The following NR2F2 variants were observed in gnomAD, a reference collection of about 807,000 sequenced individuals.
The protein encoded by NR2F2 is COUP transcription factor 2.
A neutral mutation model predicts 34.8 loss-of-function variants in NR2F2; 2 were observed. The ratio of observed to expected loss-of-function variants is 0.06; its 90% CI spans 0.02 to 0.18. The LOEUF (loss-of-function observed/expected upper bound fraction) is 0.18. Ranked by LOEUF, NR2F2 falls within the 10% of genes least tolerant of loss-of-function variation. NR2F2 has a pLI of 1.00. For missense variants in NR2F2, 300 were observed against 580.1 expected (o/e 0.52, Z 4.96); for synonymous variants, 274 against 251.8 (o/e 1.09, Z -0.84).
In NR2F2 at chr15:96,331,089, GCGGCAGCAGCGACTT is replaced by G; in HGVS notation, c.-1015_-1001del. 8.1e-7 allele frequency: 1 copy of G among 1,227,236 alleles called. No homozygotes were observed. The highest frequency in any genetic ancestry group is 1.0e-6 in the Non-Finnish European group (1 of 986,810). 76.0% of individuals were successfully genotyped at this position (1,227,236 alleles called of 1,614,324 possible). ...AGCAGCGGCTCCGGCGGCGGCAGCA[GCGGCAGCAGCGACTT>G]CAGCGGCGGCGGCGGCGCTAGACGC... is the stretch of plus-strand genomic sequence containing the variant. On this transcript the variant is annotated 5_prime_UTR_variant, in exon 1 of 3. Transcript: ENST00000394166.
upstream of NR2F2, among the ~76,000 whole-genome samples, chr15:96,329,872 C>A (rs528367201): frequency 3.1e-4 from 47 of 152,086 alleles, no homozygotes; most frequent in Middle Eastern, 0.014. Flanking sequence ...TCTCAGCATC[C>A]GAGATGCTTT....
At chr15:96,337,210 G>T in intron 2 of NR2F2, 138 bp from the exon 3 acceptor site, 1 of 839,852 alleles carries the variant, frequency 1.2e-6, no homozygotes, top group Non-Finnish European at 1.8e-6. Context: ...AACTCCGGTT[G>T]GGGCAGTTTG....
intron 2 of NR2F2, among the ~76,000 whole-genome samples, chr15:96,334,989 G>T (rs1775751151): frequency 6.6e-6 from 1 of 152,242 alleles, no homozygotes; most frequent in South Asian, 2.1e-4. Flanking sequence ...GCCCTGGCTG[G>T]GCCTCCAGGA....
In NR2F2 at chr15:96,332,308, G is replaced by A. The variant is rs60286962; in HGVS notation, c.203G>A (p.Ser68Asn). 4.4e-6 allele frequency: 7 copies of A among 1,583,798 alleles called. No homozygotes were observed. The highest frequency in any genetic ancestry group is 3.4e-5 in the South Asian group (3 of 87,466). The stretch of plus-strand genomic sequence containing the variant: ...CAGGGCGGCCCTGGCGGCCCGGGTA[G>A]CGACAAGCAGCAGCAGCAGCAACAC... ...GGQGGPGGPGSDKQQQQQHIE... is the reference protein window; with the variant it reads ...GGQGGPGGPGNDKQQQQQHIE... The change falls in exon 1 of 3, where the codon AGC becomes AAC. Residue 68 changes from serine (S) to asparagine (N), a missense_variant. Coordinates refer to ENST00000394166, the MANE Select transcript of NR2F2 (RefSeq NM_021005.4).
At chr15:96,332,675 T>G in intron 1 of NR2F2, 128 bp downstream of exon 1, 1 of 1,454,534 alleles carries the variant, frequency 6.9e-7, no homozygotes, top group Non-Finnish European at 9.1e-7. Context: ...GAAAAGGGTT[T>G]TATACTAGAA....
chr15:96,334,843 G>A (rs906481024), intron 2 of NR2F2, among the ~76,000 whole-genome samples: 3 of 152,252 alleles, frequency 2.0e-5, no homozygotes, highest in African/African-American at 7.2e-5. Context: ...TGGGCCATAG[G>A]GCAGCCTCTG....
upstream of NR2F2, among the ~76,000 whole-genome samples, chr15:96,327,984 A>G (rs1899036545): frequency 6.6e-6 from 1 of 152,258 alleles, no homozygotes; most frequent in African/African-American, 2.4e-5. Flanking sequence ...TATTGATTTT[A>G]TCTTCTCAGA....
intron 2 of NR2F2, among the ~76,000 whole-genome samples, chr15:96,335,358 T>C (rs1308369872): frequency 6.6e-6 from 1 of 152,266 alleles, no homozygotes; most frequent in Non-Finnish European, 1.5e-5. Flanking sequence ...ATTGACTGCA[T>C]TATGCAATCT....
chr15:96,338,554 A>C lies in NR2F2; in HGVS notation c.*932A>C, dbSNP rs1247934264. On this transcript the variant is annotated 3_prime_UTR_variant, in exon 3 of 3. Coordinates refer to ENST00000394166, the MANE Select transcript of NR2F2 (RefSeq NM_021005.4). ...CAAACCCTTTGTATTATAATTGTTG[A>C]TATTTTCCCTTTTTAAAAAATACCA... 1 of 152,558 alleles carries C rather than the reference A, an allele frequency of 6.6e-6. No individual in the cohort carries two copies. Among genetic ancestry groups the C allele is most frequent in the Non-Finnish European group, 1.5e-5 (1 of 68,034 alleles). The allele number at this position is 152,558 out of a possible 1,614,324, so 9.5% of individuals were successfully genotyped here. A position where few individuals can be genotyped will look rare whatever the true frequency, so the allele number is the denominator to read the frequency against.
chr15:96,330,311 A>G (rs149412801), upstream of NR2F2, among the ~76,000 whole-genome samples: 2,838 of 151,870 alleles, frequency 0.019, 71 homozygotes, highest in African/African-American at 0.065. Context: ...GCGCTGCGCT[A>G]GTCTCCCCGC....
At chr15:96,329,748 G>C (rs996836137), upstream of NR2F2, among the ~76,000 whole-genome samples, 1 of 152,124 alleles carries the variant, frequency 6.6e-6, no homozygotes, top group African/African-American at 2.4e-5. Context: ...CACCATGACT[G>C]GGTGTGTGGC....
chr15:96,332,553 G>A lies in NR2F2; in HGVS notation c.442+6G>A, dbSNP rs765228973. On this transcript the variant is annotated splice_donor_region_variant and intron_variant, in intron 1 of 2. Coordinates refer to ENST00000394166, the MANE Select transcript of NR2F2 (RefSeq NM_021005.4). ...AGTGGGCATGAGACGGGAAGGTATC[G>A]GCCTCTCATTTCTCCTTCCCTCGTC... 6 of 1,606,052 alleles carry A rather than the reference G, an allele frequency of 3.7e-6. No homozygotes were observed. The South Asian group carries it at 5.5e-5, about 15-fold the overall frequency.
At position 96,331,450 on chromosome 15, in the gene NR2F2, C is replaced by T; in HGVS notation, c.-656C>T. 1 of 1,231,218 alleles carries T rather than the reference C, an allele frequency of 8.1e-7. No individual in the cohort carries two copies. Among genetic ancestry groups the T allele is most frequent in the Non-Finnish European group, 1.0e-6 (1 of 987,970 alleles). 76.3% of individuals were successfully genotyped at this position (1,231,218 alleles called of 1,614,324 possible). A position where few individuals can be genotyped will look rare whatever the true frequency, so the allele number is the denominator to read the frequency against. ...TGGGCGCGCCCGCACCCGGCGCCTC[C>T]GATCTCCTAGTCCTCCTGATTTCGA... On this transcript the variant is annotated 5_prime_UTR_variant, in exon 1 of 3. Coordinates refer to ENST00000394166, the MANE Select transcript of NR2F2 (RefSeq NM_021005.4).
intron 2 of NR2F2, among the ~76,000 whole-genome samples, chr15:96,335,057 C>G (rs1899283143): frequency 6.6e-6 from 1 of 152,260 alleles, no homozygotes; most frequent in African/African-American, 2.4e-5. Context: ...AGTTTGCCTG[C>G]TAACTCAATA....
Position 96,337,746 on chromosome 15 carries a change from A to G in NR2F2, c.*124A>G. On this transcript the variant is annotated 3_prime_UTR_variant, in exon 3 of 3. Transcript: ENST00000394166. The stretch of plus-strand genomic sequence containing the variant: ...TGTTACAAGTTTGCTAAAAGAAGAG[A>G]GGGGAAGAATTTAATGGACTGTGAA... The G allele has an allele frequency of 1.4e-6, 1 of 727,616 alleles. No individual in the cohort carries two copies. Among genetic ancestry groups the G allele is most frequent in the South Asian group, 2.9e-5 (1 of 35,028 alleles). 45.1% of individuals were successfully genotyped at this position (727,616 alleles called of 1,614,324 possible).
At chr15:96,332,735 CT>C in intron 1 of NR2F2, 188 bp downstream of exon 1, 1 of 1,292,160 alleles carries the variant, frequency 7.7e-7, no homozygotes. Flanking sequence ...CTTTGGCCGA[CT>C]GATTTCCTTC....
rs753659720 is a variant in NR2F2 at position 96,338,316 on chromosome 15, C to G, written c.*694C>G. 2 of 152,578 alleles carry G rather than the reference C, an allele frequency of 1.3e-5. No homozygotes were observed. Among genetic ancestry groups the G allele is most frequent in the African/African-American group, 2.4e-5 (1 of 41,428 alleles). The allele number at this position is 152,578 out of a possible 1,614,324, so 9.5% of individuals were successfully genotyped here. On this transcript the variant is annotated 3_prime_UTR_variant, in exon 3 of 3. Transcript: ENST00000394166. ...AACCACATATAACACTTAACTTCCC[C>G]TACCCTGCCCCTCCCCAAAAGAAAC... is the stretch of plus-strand genomic sequence containing the variant.
chr15:96,333,583 G>GCATGCTTCGCCCAT, intron 1 of NR2F2: 1 of 1,011,900 alleles, frequency 9.9e-7, no homozygotes, highest in Admixed American at 5.1e-5. Context: ...CCGCCGGGCT[G>GCATGCTTCGCCCAT]GGGCTGGGGC....
chr15:96,327,507 C>T (rs902330471), upstream of NR2F2: 1 of 152,178 alleles, frequency 6.6e-6, no homozygotes, highest in Non-Finnish European at 1.5e-5. Context: ...TTCAGAGGAC[C>T]TAACTCTGAC....
Sources: allele counts gnomAD v4.1 joint callset (sites outside exome capture counted in the v4.1 genomes callset), GRCh38; gene constraint gnomAD v4.1.1; transcripts MANE v1.5; gene names NCBI Gene and HGNC (gene_info 2026-07-23, HGNC 2026-07-21).